Variants in ROBO2 observed in about 807,000 individuals in gnomAD.
The protein encoded by ROBO2 is roundabout guidance receptor 2.
ROBO2 carries 53 observed loss-of-function variants against 160.8 expected under a neutral mutation model. The observed-to-expected ratio is 0.33, with a 90% CI of 0.26 to 0.41. The LOEUF is 0.41. ROBO2 is among the 10% of genes least tolerant of loss of function. ROBO2 has a pLI of 1.00. For missense variants in ROBO2, 1,577 were observed against 1,722.4 expected, an observed-to-expected ratio of 0.92 and a Z score of 1.49; for synonymous variants, 664 against 611.7, an observed-to-expected ratio of 1.09 and a Z score of -1.26.
At chr3:77,422,697 T>G (rs2077820648) in intron 2 of ROBO2, among the ~76,000 whole-genome samples, 2 of 152,226 alleles carry the variant, frequency 1.3e-5, no homozygotes, top group Non-Finnish European at 2.9e-5. Context: ...GATTGTTCTG[T>G]CTTTATTGCT....
In ROBO2 at chr3:77,644,791, C is replaced by T. The variant is rs758463590; in HGVS notation, c.4022C>T (p.Thr1341Ile). 13 of 1,614,074 alleles carry T rather than the reference C, an allele frequency of 8.1e-6. No individual in the cohort carries two copies. Among genetic ancestry groups the T allele is most frequent in the East Asian group, 2.2e-5 (1 of 44,852 alleles). ...GGAACAGCTTCTTCTAAGGGATCCA[C>T]TGGACCTAGGAAAACCGAGGTGTTG... is the stretch of plus-strand genomic sequence containing the variant. Residue 1341 changes from threonine (T) to isoleucine (I), a missense_variant, in exon 25 of 26, where the codon ACT becomes ATT. Physicochemically the swap from Thr to Ile is moderately conservative, Grantham distance 89. Transcript: ENST00000461745.
chr3:76,080,248 GA>G (rs2068778697), intron 2 of ROBO2, among the ~76,000 whole-genome samples: 1 of 152,184 alleles, frequency 6.6e-6, no homozygotes. Flanking sequence ...CTGACCACCA[GA>G]AAAATCGGTT....
At chr3:76,532,583 C>A (rs956291495) in intron 2 of ROBO2, among the ~76,000 whole-genome samples, 8 of 152,160 alleles carry the variant, frequency 5.3e-5, no homozygotes, top group African/African-American at 1.9e-4. Flanking sequence ...ACTTTATATT[C>A]TGTGTCAGTG....
At chr3:77,331,579 C>A (rs2065967745) in intron 2 of ROBO2, among the ~76,000 whole-genome samples, 1 of 152,046 alleles carries the variant, frequency 6.6e-6, no homozygotes, top group African/African-American at 2.4e-5. Flanking sequence ...AAAATACTTG[C>A]AAATCTGATA....
At chr3:76,867,869 G>T (rs1017172920) in intron 2 of ROBO2, among the ~76,000 whole-genome samples, 1 of 152,082 alleles carries the variant, frequency 6.6e-6, no homozygotes, top group Non-Finnish European at 1.5e-5. Context: ...TGGCAGCAGG[G>T]TTACCAGTAA....
rs1489269301 is a variant in ROBO2, at chr3:76,066,359, G to T, written c.109+128757G>T. 2.0e-5 allele frequency among the ~76,000 whole-genome samples: 3 copies of T among 152,068 alleles called. No individual in the cohort carries two copies. The South Asian group carries it at 6.2e-4, about 32-fold the overall frequency. ...ATAACTTAGAATGGATAATGCAAAT[G>T]AATACTCAAAATTATTTAATTATTT... is the stretch of plus-strand genomic sequence containing the variant. On this transcript the variant is annotated intron_variant, in intron 2 of 26. Transcript: ENST00000487694.
At chr3:75,963,185 A>T (rs1195978852) in intron 2 of ROBO2, among the ~76,000 whole-genome samples, 1 of 150,884 alleles carries the variant, frequency 6.6e-6, no homozygotes, top group Non-Finnish European at 1.5e-5. Context: ...ATCTATTTTT[A>T]TTTATTTATT....
chr3:77,019,186 A>G (rs572643416), intron 2 of ROBO2, among the ~76,000 whole-genome samples: 1 of 152,312 alleles, frequency 6.6e-6, no homozygotes, highest in Non-Finnish European at 1.5e-5. Context: ...ACAGAAGTGT[A>G]TTTCTCACAG....
At chr3:76,596,236 G>T (rs2086725207) in intron 2 of ROBO2, among the ~76,000 whole-genome samples, 1 of 152,066 alleles carries the variant, frequency 6.6e-6, no homozygotes, top group Non-Finnish European at 1.5e-5. Context: ...ATTTCTTTAT[G>T]GGGTGTCCCA....
chr3:77,534,451 A>G (rs1019557218), intron 6 of ROBO2, among the ~76,000 whole-genome samples: 18 of 152,142 alleles, frequency 1.2e-4, no homozygotes, highest in Non-Finnish European at 1.9e-4. Flanking sequence ...CCAGAAAAAA[A>G]TCACATTAAC....
intron 2 of ROBO2, among the ~76,000 whole-genome samples, chr3:77,030,567 C>T (rs920614315): frequency 1.3e-5 from 2 of 152,148 alleles, no homozygotes; most frequent in African/African-American, 2.4e-5. Context: ...CATTTATTCT[C>T]ACAGTTATAA....
At chr3:76,752,040 C>T (rs2060688184) in intron 2 of ROBO2, among the ~76,000 whole-genome samples, 1 of 152,222 alleles carries the variant, frequency 6.6e-6, no homozygotes, top group East Asian at 1.9e-4. Flanking sequence ...TTGGAACCAA[C>T]CCAAATGTCC....
At chr3:77,127,193 T>C (rs549631580) in intron 2 of ROBO2, among the ~76,000 whole-genome samples, 1 of 152,314 alleles carries the variant, frequency 6.6e-6, no homozygotes, top group African/African-American at 2.4e-5. Flanking sequence ...CATGTATTTC[T>C]AAAATTTCTT....
exon 1 of ROBO2, chr3:75,906,778 G>T (rs1352699133): frequency 6.6e-6 from 1 of 152,314 alleles, no homozygotes; most frequent in East Asian, 1.9e-4. Flanking sequence ...GGAGGGAGAG[G>T]AAAGAAAAGG....
intron 2 of ROBO2, among the ~76,000 whole-genome samples, chr3:76,357,119 G>A (rs1339064312): frequency 6.6e-6 from 1 of 151,742 alleles, no homozygotes; most frequent in Non-Finnish European, 1.5e-5. Context: ...TGTGTTTGAA[G>A]AGACAATATT....
intron 2 of ROBO2, among the ~76,000 whole-genome samples, chr3:76,006,515 T>C (rs1379373475): frequency 1.3e-5 from 2 of 152,192 alleles, no homozygotes; most frequent in African/African-American, 4.8e-5. Flanking sequence ...TCTAGCTATT[T>C]ACCTATCCTT....
At chr3:76,503,869 C>T (rs936483630) in intron 2 of ROBO2, among the ~76,000 whole-genome samples, 11 of 152,086 alleles carry the variant, frequency 7.2e-5, no homozygotes, top group African/African-American at 2.2e-4. Flanking sequence ...AGCCAAGAGA[C>T]CTGTTTTTAA....
intron 2 of ROBO2, among the ~76,000 whole-genome samples, chr3:76,538,863 T>A (rs1170038728): frequency 1.3e-5 from 2 of 152,180 alleles, no homozygotes; most frequent in Non-Finnish European, 2.9e-5. Flanking sequence ...ACCAAACATT[T>A]TACATTTTAA....
chr3:75,967,732 A>G (rs1020025004), intron 2 of ROBO2, among the ~76,000 whole-genome samples: 4 of 151,518 alleles, frequency 2.6e-5, no homozygotes, highest in African/African-American at 4.8e-5. Context: ...TTAAAAACCA[A>G]CCTTATTTTT....
Sources: gnomAD v4.1 joint callset for allele counts (sites outside exome capture counted in the v4.1 genomes callset) on GRCh38, gnomAD v4.1.1 for gene constraint, MANE v1.5 for transcripts, NCBI Gene and HGNC (gene_info 2026-07-23, HGNC 2026-07-21) for gene names.